The following FAM163A variants were observed in gnomAD, a reference collection of about 807,000 sequenced individuals.
FAM163A encodes protein FAM163A.
In FAM163A, 7 loss-of-function variants were observed where a neutral mutation model predicts 12.0. The ratio of observed to expected loss-of-function variants is 0.58; its 90% CI spans 0.33 to 1.10. The LOEUF (loss-of-function observed/expected upper bound fraction) is 1.10, where lower values mean the gene tolerates loss of function less well. FAM163A is among the 50% of genes least tolerant of loss of function. The pLI, the probability that FAM163A is intolerant of heterozygous loss-of-function variation, is 0.03. For synonymous variants in FAM163A, 101 were observed against 91.0 expected, an observed-to-expected ratio of 1.11 and a Z score of -0.62; for missense variants, 202 against 218.6, an observed-to-expected ratio of 0.92 and a Z score of 0.48.
chr1:179,770,538 A>C (rs1251673361), intron 1 of FAM163A, among the ~76,000 whole-genome samples: 1 of 152,116 alleles, frequency 6.6e-6, no homozygotes, highest in Non-Finnish European at 1.5e-5. Flanking sequence ...TTGCCTGTCC[A>C]GTCTCATTTT....
intron 1 of FAM163A, among the ~76,000 whole-genome samples, chr1:179,752,400 T>G (rs1557894648): frequency 6.7e-6 from 1 of 149,788 alleles, no homozygotes; most frequent in African/African-American, 2.5e-5. Context: ...AATGATTTCA[T>G]GGATATGAAA....
chr1:179,804,373 C>G (rs1693625859), intron 1 of FAM163A, among the ~76,000 whole-genome samples: 2 of 152,172 alleles, frequency 1.3e-5, no homozygotes, highest in Admixed American at 1.3e-4. Context: ...GGGCTCTGTC[C>G]TGGGACCTCT....
chr1:179,790,659 G>A (rs1691334897), intron 1 of FAM163A, among the ~76,000 whole-genome samples: 1 of 152,114 alleles, frequency 6.6e-6, no homozygotes, highest in Admixed American at 6.6e-5. Context: ...AGGATTTTAG[G>A]ATTAGGTCAG....
chr1:179,811,067 A>C (rs1327060307), intron 2 of FAM163A, among the ~76,000 whole-genome samples: 1 of 152,114 alleles, frequency 6.6e-6, no homozygotes, highest in Non-Finnish European at 1.5e-5. Flanking sequence ...GTGGGACTGC[A>C]TGATGGGGCA....
chr1:179,777,452 G>A lies in FAM163A; in HGVS notation c.-135-30346G>A, dbSNP rs561795938. Among the ~76,000 whole-genome samples the A allele has an allele frequency of 6.6e-5, 10 of 152,252 alleles. No homozygotes were observed. In the South Asian group the frequency reaches 1.9e-3, roughly 28 times the overall value. ...GTTAGACAAGGAGGCCAGGAGCTCC[G>A]TGAGATCAGCCTTCGTGTGCCACCC... On this transcript the variant is annotated intron_variant, in intron 1 of 4. Coordinates refer to ENST00000341785, the MANE Select transcript of FAM163A (RefSeq NM_173509.3).
chr1:179,769,416 G>T (rs1046604474), intron 1 of FAM163A, among the ~76,000 whole-genome samples: 2 of 152,000 alleles, frequency 1.3e-5, no homozygotes, highest in Non-Finnish European at 2.9e-5. Context: ...GCCTCCCAAA[G>T]TTCTGGGATT....
the FAM163A span, among the ~76,000 whole-genome samples, chr1:179,734,241 T>G: frequency 6.6e-6 from 1 of 152,212 alleles, no homozygotes; most frequent in African/African-American, 2.4e-5. Context: ...AATAAGAGAC[T>G]GTAGACCTAT....
At chr1:179,759,722 G>A (rs1057240886) in intron 1 of FAM163A, among the ~76,000 whole-genome samples, 18 of 151,852 alleles carry the variant, frequency 1.2e-4, no homozygotes, top group South Asian at 4.2e-4. Context: ...GCTGGAGTGC[G>A]GCGGCACAAT....
chr1:179,808,676 C>T (rs954561652), intron 2 of FAM163A, among the ~76,000 whole-genome samples: 2 of 152,128 alleles, frequency 1.3e-5, no homozygotes, highest in Non-Finnish European at 2.9e-5. Flanking sequence ...ATGCTGTTTT[C>T]GATTGGTTAA....
rs775627240 is a variant in FAM163A, at chr1:179,813,975, C to T, written c.290C>T (p.Thr97Ile). 1.2e-6 allele frequency: 2 copies of T among 1,613,912 alleles called. No homozygotes were observed. Among genetic ancestry groups the T allele is most frequent in the African/African-American group, 1.3e-5 (1 of 75,070 alleles). ...GGGGTGGCCGCGAGCCACTGCACTA[C>T]CTGCTCCCCATACAGCTCCCCCTTT... ...PCGVAASHCT[T>I]CSPYSSPFYI... Residue 97 changes from threonine to isoleucine, a missense_variant, in exon 5 of 5, where the codon ACC (threonine) becomes ATC (isoleucine). Coordinates refer to ENST00000341785, the MANE Select transcript of FAM163A (RefSeq NM_173509.3).
the FAM163A span, among the ~76,000 whole-genome samples, chr1:179,733,454 AC>A: frequency 1.1e-4 from 17 of 152,186 alleles, no homozygotes; most frequent in Non-Finnish European, 1.8e-4. Context: ...TATTAGGGAG[AC>A]CAGGAAAGGG....
At chr1:179,766,422 C>T (rs1687508264) in intron 1 of FAM163A, among the ~76,000 whole-genome samples, 1 of 152,188 alleles carries the variant, frequency 6.6e-6, no homozygotes, top group South Asian at 2.1e-4. Flanking sequence ...CTGGGTTTCC[C>T]CACTCAGTCT....
At chr1:179,732,463 T>C in the FAM163A span, among the ~76,000 whole-genome samples, 4 of 152,328 alleles carry the variant, frequency 2.6e-5, no homozygotes, top group Non-Finnish European at 4.4e-5. Context: ...CCAATTACTT[T>C]AACTCAGTCA....
At chr1:179,790,891 G>A (rs545563711) in intron 1 of FAM163A, among the ~76,000 whole-genome samples, 36 of 152,248 alleles carry the variant, frequency 2.4e-4, no homozygotes, top group African/African-American at 5.1e-4. Flanking sequence ...TCCAAAACCC[G>A]GAATATTCTT....
At chr1:179,783,240 G>A (rs1690052986) in intron 1 of FAM163A, among the ~76,000 whole-genome samples, 1 of 152,050 alleles carries the variant, frequency 6.6e-6, no homozygotes, top group Non-Finnish European at 1.5e-5. Flanking sequence ...ATGTGGAAAA[G>A]ACTGAGTAGA....
chr1:179,792,544 G>A (rs192351106), intron 1 of FAM163A, among the ~76,000 whole-genome samples: 2 of 152,172 alleles, frequency 1.3e-5, no homozygotes, highest in East Asian at 1.9e-4. Flanking sequence ...ACCTGTTTAC[G>A]TTCACACTTG....
At chr1:179,728,290 T>C in the FAM163A span, among the ~76,000 whole-genome samples, 6 of 152,182 alleles carry the variant, frequency 3.9e-5, no homozygotes, top group African/African-American at 1.4e-4. Context: ...CATCCACAGT[T>C]GTGAATGACT....
chr1:179,732,669 C>G, the FAM163A span, among the ~76,000 whole-genome samples: 1 of 151,928 alleles, frequency 6.6e-6, no homozygotes, highest in Admixed American at 6.6e-5. Context: ...ATCACTTGAG[C>G]TCAGGGGCGG....
intron 1 of FAM163A, among the ~76,000 whole-genome samples, chr1:179,787,387 A>G (rs1443386754): frequency 6.6e-6 from 1 of 152,180 alleles, no homozygotes; most frequent in Non-Finnish European, 1.5e-5. Flanking sequence ...AGATCCTACC[A>G]TGTGCTCCAG....
Sources: allele counts gnomAD v4.1 joint callset (sites outside exome capture counted in the v4.1 genomes callset), GRCh38; gene constraint gnomAD v4.1.1; transcripts MANE v1.5; gene names NCBI Gene and HGNC (gene_info 2026-07-23, HGNC 2026-07-21).